SNX25: variants seen among roughly 807,000 people sequenced by gnomAD.
The protein encoded by SNX25 is sorting nexin 25.
A neutral mutation model predicts 113.7 loss-of-function variants in SNX25; 62 were observed. The observed-to-expected ratio is 0.55, with a 90% CI of 0.44 to 0.67. The LOEUF is 0.67. Ranked by LOEUF, SNX25 falls within the 30% of genes least tolerant of loss-of-function variation. The pLI, the probability that SNX25 is intolerant of heterozygous loss-of-function variation, is 0.00. For synonymous variants in SNX25, 421 were observed against 436.2 expected (o/e 0.97, Z 0.43); for missense variants, 1,014 against 1,161.0 (o/e 0.87, Z 1.84).
intron 9 of SNX25, 41 bp downstream of exon 9, chr4:185,323,841 G>A (rs771162602): frequency 2.5e-6 from 4 of 1,600,674 alleles, no homozygotes; most frequent in Non-Finnish European, 3.4e-6. Flanking sequence ...TATTGGATAA[G>A]CTTTTAAATA....
chr4:185,373,203 G>A (rs1034024972), downstream of SNX25: 30 of 903,502 alleles, frequency 3.3e-5, no homozygotes, highest in African/African-American at 2.2e-4. Context: ...AGGAAAGAGC[G>A]GTAGGCCTTT....
chr4:185,329,685 G>A (rs2095180935), intron 9 of SNX25, among the ~76,000 whole-genome samples: 1 of 151,340 alleles, frequency 6.6e-6, no homozygotes. Context: ...CAGACACAGA[G>A]AGAGAGAGAG....
chr4:185,325,978 T>C (rs950482950), intron 9 of SNX25, among the ~76,000 whole-genome samples: 4 of 152,232 alleles, frequency 2.6e-5, no homozygotes, highest in East Asian at 3.8e-4. Context: ...GTTTTTCCAG[T>C]TGTGTCCTGT....
downstream of SNX25, chr4:185,374,394 A>C (rs1315296820): frequency 6.2e-7 from 1 of 1,613,992 alleles, no homozygotes; most frequent in Non-Finnish European, 8.5e-7. Context: ...AGCAGCTGCA[A>C]ATTTTAAGTG....
At chr4:185,293,823 A>G (rs1752498034) in intron 6 of SNX25, among the ~76,000 whole-genome samples, 1 of 152,220 alleles carries the variant, frequency 6.6e-6, no homozygotes, top group Non-Finnish European at 1.5e-5. Context: ...TAGTACCATG[A>G]GGGATTGCAG....
intron 1 of SNX25, among the ~76,000 whole-genome samples, chr4:185,224,539 AT>A (rs1740635756): frequency 4.0e-5 from 4 of 98,830 alleles, no homozygotes; most frequent in Admixed American, 1.0e-4. Context: ...ATATATATAA[AT>A]ATATATACAT....
chr4:185,285,889 C>G (rs890193655), intron 5 of SNX25, among the ~76,000 whole-genome samples: 1 of 152,196 alleles, frequency 6.6e-6, no homozygotes, highest in African/African-American at 2.4e-5. Context: ...CCTCCTGCCT[C>G]AGGCTCCCAA....
At chr4:185,353,464 A>T in intron 14 of SNX25, 21 bp from the exon 15 acceptor site, 2 of 1,578,940 alleles carry the variant, frequency 1.3e-6, no homozygotes, top group Non-Finnish European at 1.7e-6. Flanking sequence ...TCTGCTTCCT[A>T]TGACTTTGCT....
chr4:185,369,464 GAACTCCTGACCTCA>G (rs1299089945), intron 11 of SNX25, among the ~76,000 whole-genome samples: 1 of 150,092 alleles, frequency 6.7e-6, no homozygotes, highest in African/African-American at 2.5e-5. Flanking sequence ...GGCTGGTCTC[GAACTCCTGACCTCA>G]AGTGATCTGC....
At chr4:185,376,103 GTTGAGGGGACA>G in the SNX25 span, among the ~76,000 whole-genome samples, 1 of 152,120 alleles carries the variant, frequency 6.6e-6, no homozygotes, top group Non-Finnish European at 1.5e-5. Flanking sequence ...CATTACTGAA[GTTGAGGGGACA>G]GCTGGCATAG....
intron 5 of SNX25, among the ~76,000 whole-genome samples, chr4:185,274,060 G>A (rs1379465813): frequency 5.3e-5 from 8 of 151,530 alleles, no homozygotes; most frequent in African/African-American, 1.9e-4. Flanking sequence ...GGTTATACAC[G>A]GGCTTTTTTT....
chr4:185,233,311 C>T (rs1742135519), intron 1 of SNX25, among the ~76,000 whole-genome samples: 1 of 151,804 alleles, frequency 6.6e-6, no homozygotes, highest in South Asian at 2.1e-4. Flanking sequence ...AAATGAAGCC[C>T]TGTGAGTACA....
chr4:185,319,012 T>C (rs2095097067), intron 7 of SNX25, among the ~76,000 whole-genome samples: 1 of 152,018 alleles, frequency 6.6e-6, no homozygotes, highest in African/African-American at 2.4e-5. Flanking sequence ...CCCTGCCTGC[T>C]CCTTTTTGTT....
intron 16 of SNX25, among the ~76,000 whole-genome samples, chr4:185,358,313 C>T (rs1016844975): frequency 6.6e-6 from 1 of 152,166 alleles, no homozygotes; most frequent in Non-Finnish European, 1.5e-5. Flanking sequence ...TATCCATATA[C>T]ATAAAGGCAT....
At chr4:185,250,129 A>G (rs956636675) in intron 2 of SNX25, among the ~76,000 whole-genome samples, 4 of 152,192 alleles carry the variant, frequency 2.6e-5, no homozygotes, top group Non-Finnish European at 5.9e-5. Flanking sequence ...CCTTGAAGAT[A>G]CTTGGTTTTA....
intron 5 of SNX25, among the ~76,000 whole-genome samples, chr4:185,269,611 G>A (rs1748624801): frequency 6.6e-6 from 1 of 152,170 alleles, no homozygotes; most frequent in Non-Finnish European, 1.5e-5. Context: ...AGTATTCCTT[G>A]TTCTTACAGA....
At chr4:185,376,479 A>T in the SNX25 span, among the ~76,000 whole-genome samples, 10 of 140,908 alleles carry the variant, frequency 7.1e-5, no homozygotes, top group Non-Finnish European at 1.4e-4. Flanking sequence ...TTTTTAGTAC[A>T]GATGGGGTGT....
chr4:185,248,739 T>C (rs1745204227), intron 2 of SNX25, among the ~76,000 whole-genome samples: 1 of 152,254 alleles, frequency 6.6e-6, no homozygotes, highest in Non-Finnish European at 1.5e-5. Context: ...AATTATACAA[T>C]TCAGTAATTT....
chr4:185,310,362 A>G (rs1240793545), intron 6 of SNX25, among the ~76,000 whole-genome samples: 3 of 152,368 alleles, frequency 2.0e-5, no homozygotes, highest in Non-Finnish European at 2.9e-5. Context: ...ACACACACAG[A>G]TTTGTGAGTG....
Sources: allele counts gnomAD v4.1 joint callset (sites outside exome capture counted in the v4.1 genomes callset), GRCh38; gene constraint gnomAD v4.1.1; transcripts MANE v1.5; gene names NCBI Gene and HGNC (gene_info 2026-07-23, HGNC 2026-07-21).